The following N4BP2L2 variants were observed in gnomAD, a reference collection of about 807,000 sequenced individuals.
N4BP2L2 encodes NEDD4 binding protein 2 like 2, also known as NEDD4-binding protein 2-like 2.
In N4BP2L2, 50 loss-of-function variants were observed where a neutral mutation model predicts 56.2. That is an observed-to-expected ratio of 0.89 (90% CI 0.71 to 1.13). The LOEUF (loss-of-function observed/expected upper bound fraction) is 1.13. Among genes scored for constraint, N4BP2L2 ranks in the 50% most tolerant of loss-of-function variants. The pLI is 0.00. For synonymous variants in N4BP2L2, 203 were observed against 223.6 expected, an observed-to-expected ratio of 0.91 and a Z score of 0.82; for missense variants, 689 against 693.8, an observed-to-expected ratio of 0.99 and a Z score of 0.08.
At chr13:32,524,876 T>C (rs2052223437) in intron 3 of N4BP2L2, 1 of 152,198 alleles carries the variant, frequency 6.6e-6, no homozygotes, top group Admixed American at 6.6e-5. Flanking sequence ...AATCCTCCTA[T>C]CTCAGCCTCC....
chr13:32,453,056 C>T (rs1451533909), intron 6 of N4BP2L2, among the ~76,000 whole-genome samples: 1 of 151,914 alleles, frequency 6.6e-6, no homozygotes, highest in Non-Finnish European at 1.5e-5. Flanking sequence ...GTTGGGAATT[C>T]GAGACCAGCC....
chr13:32,536,096 G>C (rs773708682), exon 2 of N4BP2L2: 2 of 1,614,018 alleles, frequency 1.2e-6, no homozygotes, highest in Admixed American at 3.3e-5. Context: ...TTGTATCTGA[G>C]AGTCATCTTG....
intron 5 of N4BP2L2, 152 bp downstream of exon 5, chr13:32,521,221 T>C (rs773418301): frequency 2.2e-5 from 14 of 629,690 alleles, no homozygotes; most frequent in Non-Finnish European, 3.9e-5. Flanking sequence ...TGCAGAGAAG[T>C]GGCCTAGCCA....
At chr13:32,484,870 T>A (rs906357214) in intron 6 of N4BP2L2, among the ~76,000 whole-genome samples, 4 of 152,236 alleles carry the variant, frequency 2.6e-5, no homozygotes, top group Non-Finnish European at 5.9e-5. Context: ...GTTGAATTAT[T>A]TCTACTTAGA....
chr13:32,533,390 T>C (rs1205386294), intron 2 of N4BP2L2, among the ~76,000 whole-genome samples: 3 of 152,132 alleles, frequency 2.0e-5, no homozygotes, highest in African/African-American at 7.2e-5. Context: ...GTTAGAGACA[T>C]GCTGATTGAG....
chr13:32,487,865 AT>A (rs67976150), intron 6 of N4BP2L2, among the ~76,000 whole-genome samples: 57,953 of 148,668 alleles, frequency 0.39, 11,200 homozygotes, highest in East Asian at 0.47. Flanking sequence ...AATTTATTTG[AT>A]TTTTTTTTTT....
chr13:32,472,712 T>C (rs2082553263), intron 6 of N4BP2L2, among the ~76,000 whole-genome samples: 1 of 152,158 alleles, frequency 6.6e-6, no homozygotes, highest in Non-Finnish European at 1.5e-5. Context: ...TGAGCCTAGG[T>C]GAGGAACCCA....
At position 32,529,789 on chromosome 13, in the gene N4BP2L2, G is replaced by T. The variant is rs529007982; in HGVS notation, c.1260-2257C>A. Among the ~76,000 whole-genome samples, 3 of 148,634 alleles carry T rather than the reference G, an allele frequency of 2.0e-5. No individual in the cohort carries two copies. The East Asian group carries it at 6.0e-4, about 30-fold the overall frequency. ...TGCCCAGGCTGGAGTGCAGTGGTGTGATCTCGGCTCACTGCAACCTCCACC... is the reference window on the plus strand; with the variant it reads ...TGCCCAGGCTGGAGTGCAGTGGTGTTATCTCGGCTCACTGCAACCTCCACC... On this transcript the variant is annotated intron_variant, in intron 2 of 5. Transcript: ENST00000267068.
intron 8 of N4BP2L2, among the ~76,000 whole-genome samples, chr13:32,436,785 C>CAA (rs1174354861): frequency 0.011 from 490 of 44,968 alleles, 56 homozygotes; most frequent in East Asian, 0.038. Flanking sequence ...GTGTGACTGT[C>CAA]AAAAAAAAAA....
intron 6 of N4BP2L2, among the ~76,000 whole-genome samples, chr13:32,456,491 C>T (rs988424617): frequency 2.0e-5 from 3 of 151,946 alleles, no homozygotes; most frequent in South Asian, 2.1e-4. Context: ...TATGACAACT[C>T]GAAAGGAACA....
At position 32,433,248 on chromosome 13, in the gene N4BP2L2, A is replaced by C. The variant is rs549179274; in HGVS notation, c.*22-276T>G. Among the ~76,000 whole-genome samples the C allele has an allele frequency of 2.5e-3, 375 of 152,376 alleles. 2 individuals are homozygous for C. The highest frequency in any genetic ancestry group is 8.2e-3 in the African/African-American group (339 of 41,594). On this transcript the variant is annotated intron_variant, in intron 9 of 9. Coordinates refer to the N4BP2L2 transcript ENST00000357505. The stretch of plus-strand genomic sequence containing the variant: ...ACAAAAAATTAAAAATAAATGCACT[A>C]ATTCATGCAAATGTGTTAACATGTT...
At chr13:32,535,933 G>A (rs747926396) in exon 2 of N4BP2L2, 1 of 1,614,002 alleles carries the variant, frequency 6.2e-7, no homozygotes, top group Non-Finnish European at 8.5e-7. Context: ...TGACTTCACA[G>A]AAACCATTAC....
chr13:32,460,612 T>C (rs1239376386), intron 6 of N4BP2L2, among the ~76,000 whole-genome samples: 1 of 152,094 alleles, frequency 6.6e-6, no homozygotes, highest in Non-Finnish European at 1.5e-5. Context: ...AGGCATACCA[T>C]GCTCATGGAT....
At chr13:32,510,192 C>T (rs1647573915), downstream of N4BP2L2, 1 of 151,740 alleles carries the variant, frequency 6.6e-6, no homozygotes, top group African/African-American at 2.4e-5. Context: ...AACAAGTGGA[C>T]ATAAAAGAAA....
intron 6 of N4BP2L2, among the ~76,000 whole-genome samples, chr13:32,487,626 C>T (rs928758608): frequency 1.1e-3 from 166 of 151,820 alleles, no homozygotes; most frequent in African/African-American, 3.8e-3. Flanking sequence ...GAGCCAAGAT[C>T]GCGCCACTGC....
downstream of N4BP2L2, chr13:32,509,196 C>G (rs899279132): frequency 6.6e-6 from 1 of 152,048 alleles, no homozygotes; most frequent in Non-Finnish European, 1.5e-5. Context: ...GGTTGAGCAC[C>G]CATAATCCAA....
At chr13:32,531,624 A>G (rs1298165133) in intron 2 of N4BP2L2, among the ~76,000 whole-genome samples, 1 of 152,118 alleles carries the variant, frequency 6.6e-6, no homozygotes, top group African/African-American at 2.4e-5. Context: ...GAATCAAGGG[A>G]CCTATATGAA....
chr13:32,533,594 T>G (rs2055647728), intron 2 of N4BP2L2, among the ~76,000 whole-genome samples: 2 of 146,682 alleles, frequency 1.4e-5, no homozygotes, highest in Non-Finnish European at 3.0e-5. Context: ...CGATCATGGC[T>G]CACTGTAGCC....
chr13:32,483,567 AAGAC>A, intron 6 of N4BP2L2, among the ~76,000 whole-genome samples: 1 of 152,356 alleles, frequency 6.6e-6, no homozygotes, highest in South Asian at 2.1e-4. Flanking sequence ...CACACGGTGA[AAGAC>A]AGGAACATGG....
Sources: gnomAD v4.1 joint callset for allele counts (sites outside exome capture counted in the v4.1 genomes callset) on GRCh38, gnomAD v4.1.1 for gene constraint, MANE v1.5 for transcripts, NCBI Gene and HGNC (gene_info 2026-07-23, HGNC 2026-07-21) for gene names.